The following NATD1 variants were observed in gnomAD, a reference collection of about 807,000 sequenced individuals.
NATD1 encodes protein NATD1.
Under a neutral mutation model 12.0 loss-of-function variants are expected in NATD1, and 9 were observed. The ratio of observed to expected loss-of-function variants is 0.75; its 90% CI spans 0.45 to 1.30. The LOEUF is 1.30. NATD1 is among the 50% of genes most tolerant of loss of function. The pLI is 0.00. For missense variants in NATD1, 148 were observed against 148.5 expected (o/e 1.00, Z 0.02); for synonymous variants, 71 against 65.9 (o/e 1.08, Z -0.37).
chr17:21,252,126 C>T (rs1182015358), intron 1 of NATD1, among the ~76,000 whole-genome samples: 1 of 152,182 alleles, frequency 6.6e-6, no homozygotes, highest in African/African-American at 2.4e-5. Context: ...GCCTGGCCAA[C>T]ATGGTGAAAG....
chr17:21,243,147 T>C lies in NATD1; in HGVS notation c.*166A>G. 2 of 580,546 alleles carry C rather than the reference T, an allele frequency of 3.4e-6. No homozygotes were observed. Among genetic ancestry groups the C allele is most frequent in the Non-Finnish European group, 6.1e-6 (2 of 328,286 alleles). The allele number at this position is 580,546 out of a possible 1,614,324, so 36.0% of individuals were successfully genotyped here. The stretch of plus-strand genomic sequence containing the variant: ...TCGGTTACCGGGTCACCGCCCATCA[T>C]TGGTCAGCTGCCTCCAGGGATCTGG... On this transcript the variant is annotated 3_prime_UTR_variant, in exon 3 of 3. Transcript: ENST00000611551.
intron 1 of NATD1, among the ~76,000 whole-genome samples, chr17:21,245,234 T>G (rs969900881): frequency 6.8e-6 from 1 of 147,944 alleles, no homozygotes. Context: ...TGGAGTGGGG[T>G]GGGTGAGGGG....
At chr17:21,243,717 C>T (rs375836594) in intron 2 of NATD1, among the ~76,000 whole-genome samples, 14 of 152,288 alleles carry the variant, frequency 9.2e-5, no homozygotes, top group African/African-American at 3.4e-4. Context: ...GAGGGGAAGC[C>T]GGCAGACGGC....
Position 21,239,115 on chromosome 17 carries a change from T to A in NATD1, c.*4198A>T, listed in dbSNP as rs1219220773. ...AACCCTGAACTGAGGAAGAGCAGTG[T>A]GAGTACATGGTCAGGGGCTCCATGA... is the stretch of plus-strand genomic sequence containing the variant. On this transcript the variant is annotated 3_prime_UTR_variant, in exon 3 of 3. Transcript: ENST00000611551. 1 of 152,060 alleles carries A rather than the reference T, an allele frequency of 6.6e-6. No individual in the cohort carries two copies. Among genetic ancestry groups the A allele is most frequent in the Non-Finnish European group, 1.5e-5 (1 of 68,020 alleles). 9.4% of individuals were successfully genotyped at this position (152,060 alleles called of 1,614,324 possible).
rs1975360461 is a variant in NATD1, at chr17:21,249,956, TG to T, written c.106+3202del. Among the ~76,000 whole-genome samples, 3 of 152,344 alleles carry T rather than the reference TG, an allele frequency of 2.0e-5. No individual in the cohort carries two copies. The South Asian group carries it at 6.2e-4, about 32-fold the overall frequency. On this transcript the variant is annotated intron_variant, in intron 1 of 2. Transcript: ENST00000611551. ...ATCACCCACAAGCAAGTCACAGCCA[TG>T]CTTCCTTCCACATCTGTCCAGGATC... is the stretch of plus-strand genomic sequence containing the variant.
In NATD1 at chr17:21,243,325, G is replaced by T; in HGVS notation, c.330C>A (p.Arg110=). The change falls in exon 3 of 3, where the codon CGC becomes CGA. Residue 110 remains arginine, a synonymous_variant. Transcript: ENST00000611551. Reference sequence around the variant, plus strand: ...CTGCAGGCCAGGGTTACGGCTGCAGGCGCTCCAGGTACTGCGGCAGGGGGT... The same window carrying T: ...CTGCAGGCCAGGGTTACGGCTGCAGTCGCTCCAGGTACTGCGGCAGGGGGT... ...KENPLPQYLE[R]LQP 6.2e-7 allele frequency: 1 copy of T among 1,612,426 alleles called. No individual in the cohort carries two copies. The highest frequency in any genetic ancestry group is 1.7e-5 in the Admixed American group (1 of 60,018).
chr17:21,250,153 G>A (rs960779612), intron 1 of NATD1, among the ~76,000 whole-genome samples: 8 of 152,206 alleles, frequency 5.3e-5, no homozygotes, highest in African/African-American at 1.2e-4. Context: ...AGTCAAAGCC[G>A]AGCCCATAGG....
chr17:21,252,773 A>C (rs1309871107), intron 1 of NATD1, among the ~76,000 whole-genome samples: 1 of 152,182 alleles, frequency 6.6e-6, no homozygotes, highest in East Asian at 1.9e-4. Flanking sequence ...GGTGCCCAAC[A>C]GTCGTGAACA....
At chr17:21,248,552 C>T (rs1020734350) in intron 1 of NATD1, among the ~76,000 whole-genome samples, 3 of 152,222 alleles carry the variant, frequency 2.0e-5, no homozygotes, top group South Asian at 4.1e-4. Flanking sequence ...TGCCCAGAAG[C>T]CTCCCCTGAC....
In NATD1 at chr17:21,241,050, A is replaced by C. The variant is rs928199994; in HGVS notation, c.*2263T>G. The C allele has an allele frequency of 6.6e-6, 1 of 152,550 alleles. No individual in the cohort carries two copies. Among genetic ancestry groups the C allele is most frequent in the Non-Finnish European group, 1.5e-5 (1 of 68,144 alleles). 9.4% of individuals were successfully genotyped at this position (152,550 alleles called of 1,614,324 possible). ...CAGTTCCTGGGCCCGGGGCCTCTGCAGGCCTCCACCACCCCATGCTGCCTA... is the reference window on the plus strand; with the variant it reads ...CAGTTCCTGGGCCCGGGGCCTCTGCCGGCCTCCACCACCCCATGCTGCCTA... On this transcript the variant is annotated 3_prime_UTR_variant, in exon 3 of 3. Transcript: ENST00000611551.
Position 21,241,970 on chromosome 17 carries a change from C to G in NATD1, c.*1343G>C, listed in dbSNP as rs778565267. On this transcript the variant is annotated 3_prime_UTR_variant, in exon 3 of 3. Coordinates refer to ENST00000611551, the MANE Select transcript of NATD1 (RefSeq NM_152914.3). ...AGCATGGTGACCACTGCCCCTGCAC[C>G]GGGGGAGGAAGGCATGGGGGTCCTG... The G allele has an allele frequency of 6.5e-6, 1 of 152,782 alleles. No individual in the cohort carries two copies. Among genetic ancestry groups the G allele is most frequent in the Non-Finnish European group, 1.5e-5 (1 of 68,600 alleles). 9.5% of individuals were successfully genotyped at this position (152,782 alleles called of 1,614,324 possible).
rs949798728 is a variant in NATD1, at chr17:21,244,647, T to C, written c.107-423A>G. On this transcript the variant is annotated intron_variant, in intron 1 of 2. Transcript: ENST00000611551. The surrounding 1 kb of genome is among the most constrained non-coding windows in gnomAD (Gnocchi z 5.2). ...GCAAATCTGCAACTAAGGCAGAGCATGAAGAGATTAGAGAGGCAGCGCTGC... is the reference window on the plus strand; with the variant it reads ...GCAAATCTGCAACTAAGGCAGAGCACGAAGAGATTAGAGAGGCAGCGCTGC... 2.6e-5 allele frequency among the ~76,000 whole-genome samples: 4 copies of C among 152,038 alleles called. No individual in the cohort carries two copies. The highest frequency in any genetic ancestry group is 9.7e-5 in the African/African-American group (4 of 41,390).
At chr17:21,251,493 C>T (rs1346145425) in intron 1 of NATD1, among the ~76,000 whole-genome samples, 1 of 152,114 alleles carries the variant, frequency 6.6e-6, no homozygotes, top group Non-Finnish European at 1.5e-5. Context: ...ACAGCAGTAG[C>T]AGGACTTGCC....
Position 21,253,218 on chromosome 17 carries a change from C to A in NATD1, c.47G>T (p.Gly16Val). 1 of 1,006,630 alleles carries A rather than the reference C, an allele frequency of 9.9e-7. No homozygotes were observed. Among genetic ancestry groups the A allele is most frequent in the Non-Finnish European group, 1.2e-6 (1 of 845,258 alleles). The allele number at this position is 1,006,630 out of a possible 1,614,324, so 62.4% of individuals were successfully genotyped here. The change falls in exon 1 of 3, where the codon GGC becomes GTC. Residue 16 changes from glycine (G) to valine (V), a missense_variant. Gly to Val is a moderately radical substitution (Grantham distance 109). Coordinates refer to ENST00000611551, the MANE Select transcript of NATD1 (RefSeq NM_152914.3). ...GTCGTGCTCCACGCGGATGGGGCAG[C>A]CCTGCTCCAGCGCGCCCAGCGGCAC... ...AAVPLGALEQ[G>V]CPIRVEHDRR...
intron 1 of NATD1, among the ~76,000 whole-genome samples, chr17:21,246,525 GAAA>G (rs71160130): frequency 2.8e-5 from 3 of 108,302 alleles, no homozygotes; most frequent in Admixed American, 9.7e-5. Context: ...AAAAAAAAAA[GAAA>G]AAAAAAAAAA....
chr17:21,252,182 G>T (rs140838282), intron 1 of NATD1, among the ~76,000 whole-genome samples: 1 of 152,178 alleles, frequency 6.6e-6, no homozygotes, highest in African/African-American at 2.4e-5. Context: ...GTGGGTGCCT[G>T]TAATCCCACC....
chr17:21,251,112 C>T (rs1457020050), intron 1 of NATD1, among the ~76,000 whole-genome samples: 1 of 152,106 alleles, frequency 6.6e-6, no homozygotes, highest in Non-Finnish European at 1.5e-5. Flanking sequence ...TCTGGCCTCT[C>T]TCTTCTTTCT....
At chr17:21,251,221 T>C (rs1975371856) in intron 1 of NATD1, among the ~76,000 whole-genome samples, 2 of 149,736 alleles carry the variant, frequency 1.3e-5, no homozygotes, top group African/African-American at 4.9e-5. Flanking sequence ...CGGCTGGGCA[T>C]GTCCAGCCCT....
intron 1 of NATD1, among the ~76,000 whole-genome samples, chr17:21,249,749 G>A (rs568947849): frequency 6.6e-6 from 1 of 152,186 alleles, no homozygotes; most frequent in Non-Finnish European, 1.5e-5. Flanking sequence ...CCAGGAGGTG[G>A]GGGTCTCTTC....
Sources: allele counts gnomAD v4.1 joint callset (sites outside exome capture counted in the v4.1 genomes callset), GRCh38; gene constraint gnomAD v4.1.1; non-coding constraint Gnocchi (gnomAD v3.1); transcripts MANE v1.5; gene names NCBI Gene and HGNC (gene_info 2026-07-23, HGNC 2026-07-21).